The following ESR1 variants were observed in gnomAD, a reference collection of about 807,000 sequenced individuals.
The protein encoded by ESR1 is estrogen receptor 1, also known as estrogen receptor.
Under a neutral mutation model 52.7 loss-of-function variants are expected in ESR1, and 12 were observed. The ratio of observed to expected loss-of-function variants is 0.23; its 90% CI spans 0.15 to 0.37. The LOEUF (loss-of-function observed/expected upper bound fraction) is 0.37. Ranked by LOEUF, ESR1 falls within the 10% of genes least tolerant of loss-of-function variation. ESR1 has a pLI of 1.00. For synonymous variants in ESR1, 305 were observed against 316.8 expected (o/e 0.96, Z 0.39); for missense variants, 584 against 779.7 (o/e 0.75, Z 2.99).
At chr6:152,029,229 A>C (rs2044446608) in intron 5 of ESR1, among the ~76,000 whole-genome samples, 1 of 152,234 alleles carries the variant, frequency 6.6e-6, no homozygotes, top group African/African-American at 2.4e-5. Flanking sequence ...TAAAAATCAG[A>C]GCACCTCTCC....
At chr6:151,930,675 C>T (rs115016031) in intron 3 of ESR1, among the ~76,000 whole-genome samples, 240 of 152,268 alleles carry the variant, frequency 1.6e-3, no homozygotes, top group African/African-American at 5.4e-3. Flanking sequence ...ATATCACCTT[C>T]CTCTTGCTTG....
chr6:151,947,368 G>GA (rs1376497162), intron 4 of ESR1, among the ~76,000 whole-genome samples: 1 of 152,042 alleles, frequency 6.6e-6, no homozygotes. Context: ...AAGAAGAATA[G>GA]CAAAATTTCA....
At chr6:151,695,872 T>C (rs1779296852) in intron 1 of ESR1, among the ~76,000 whole-genome samples, 1 of 152,204 alleles carries the variant, frequency 6.6e-6, no homozygotes. Context: ...CTTAAAACTA[T>C]GTGACAAATA....
chr6:151,893,809 C>T (rs13203472), intron 3 of ESR1, among the ~76,000 whole-genome samples: 5,383 of 152,212 alleles, frequency 0.035, 129 homozygotes, highest in South Asian at 0.059. Flanking sequence ...ACATAGAAGT[C>T]TTTATCTGTC....
rs2051008854 is a variant in ESR1 at position 152,103,076 on chromosome 6, G to T, written c.*4110G>T. The T allele has an allele frequency of 4.5e-6, 1 of 222,516 alleles. No individual in the cohort carries two copies. The highest frequency in any genetic ancestry group is 5.8e-5 in the Admixed American group (1 of 17,382). 13.8% of individuals were successfully genotyped at this position (222,516 alleles called of 1,614,324 possible). On this transcript the variant is annotated 3_prime_UTR_variant, in exon 8 of 8. Coordinates refer to ENST00000206249, the MANE Select transcript of ESR1 (RefSeq NM_000125.4). Reference sequence around the variant, plus strand: ...TGGGAAAAGGCTCAAATGCCAAATTGTGTTTGATGGATTAATATGCCCTTT... The same window carrying T: ...TGGGAAAAGGCTCAAATGCCAAATTTTGTTTGATGGATTAATATGCCCTTT...
chr6:152,002,097 G>A (rs2041994939), intron 4 of ESR1, among the ~76,000 whole-genome samples: 1 of 151,852 alleles, frequency 6.6e-6, no homozygotes, highest in Non-Finnish European at 1.5e-5. Flanking sequence ...GGGAATATAA[G>A]CCTCTTGTTT....
chr6:151,755,314 A>G (rs965767419), intron 2 of ESR1, among the ~76,000 whole-genome samples: 2 of 151,908 alleles, frequency 1.3e-5, no homozygotes, highest in East Asian at 1.9e-4. Context: ...TCTTCTTACA[A>G]TGAGTCCTAT....
At chr6:151,958,947 G>A (rs950793094) in intron 4 of ESR1, among the ~76,000 whole-genome samples, 4 of 147,502 alleles carry the variant, frequency 2.7e-5, no homozygotes, top group African/African-American at 7.8e-5. Context: ...GAGTTCTACC[G>A]CTTCCATTGG....
chr6:151,676,322 C>T (rs1778250755), intron 1 of ESR1, among the ~76,000 whole-genome samples: 1 of 152,154 alleles, frequency 6.6e-6, no homozygotes, highest in Non-Finnish European at 1.5e-5. Context: ...AGCCATCTCT[C>T]TCTCCTGAGC....
At chr6:151,983,252 C>G (rs1018065888) in intron 4 of ESR1, among the ~76,000 whole-genome samples, 8 of 152,008 alleles carry the variant, frequency 5.3e-5, no homozygotes, top group African/African-American at 1.9e-4. Flanking sequence ...AAATTCACCA[C>G]GTAGAGAGGA....
intron 4 of ESR1, among the ~76,000 whole-genome samples, chr6:151,946,683 A>C (rs1449549007): frequency 6.6e-6 from 1 of 152,130 alleles, no homozygotes; most frequent in Admixed American, 6.6e-5. Context: ...ATAAAGGCAA[A>C]AATGAAATTA....
intron 1 of ESR1, among the ~76,000 whole-genome samples, chr6:151,817,143 G>T (rs191472186): frequency 1.3e-5 from 2 of 152,278 alleles, no homozygotes; most frequent in African/African-American, 2.4e-5. Flanking sequence ...TCTTTTTCAC[G>T]TTGGTTGGAA....
chr6:152,076,467 A>G (rs34322424), intron 6 of ESR1, among the ~76,000 whole-genome samples: 31,910 of 151,906 alleles, frequency 0.21, 4,689 homozygotes, highest in African/African-American at 0.4. Flanking sequence ...AAATTGGTAC[A>G]AGGAGTGGGG....
At chr6:151,907,862 A>G (rs1467606910) in intron 3 of ESR1, among the ~76,000 whole-genome samples, 1 of 152,204 alleles carries the variant, frequency 6.6e-6, no homozygotes, top group Non-Finnish European at 1.5e-5. Context: ...ATTACTCTGC[A>G]AGCATCACAA....
At chr6:151,675,834 G>A (rs1046474874) in intron 1 of ESR1, among the ~76,000 whole-genome samples, 2 of 152,190 alleles carry the variant, frequency 1.3e-5, no homozygotes, top group Non-Finnish European at 2.9e-5. Context: ...AATTGATGCC[G>A]GAAACTGGTG....
upstream of ESR1, among the ~76,000 whole-genome samples, chr6:151,687,236 G>A (rs1311536506): frequency 3.3e-5 from 5 of 152,178 alleles, no homozygotes; most frequent in African/African-American, 1.2e-4. Context: ...GCGTAGGGTG[G>A]GGAGGTTGTA....
At chr6:152,045,276 C>T (rs2046136238) in intron 5 of ESR1, among the ~76,000 whole-genome samples, 1 of 152,232 alleles carries the variant, frequency 6.6e-6, no homozygotes, top group South Asian at 2.1e-4. Context: ...GTCTTAGTCT[C>T]AGGACTGGCA....
chr6:152,034,017 C>G (rs908773746), intron 5 of ESR1, among the ~76,000 whole-genome samples: 3 of 152,096 alleles, frequency 2.0e-5, no homozygotes, highest in Non-Finnish European at 2.9e-5. Context: ...TGGAAACCAT[C>G]ATTGTGAGCG....
chr6:151,816,010 T>C (rs1446023894), intron 1 of ESR1, among the ~76,000 whole-genome samples: 1 of 152,132 alleles, frequency 6.6e-6, no homozygotes, highest in East Asian at 1.9e-4. Flanking sequence ...TAAGAGAAAA[T>C]ACGTGTTTGA....
Sources: gnomAD v4.1 joint callset for allele counts (sites outside exome capture counted in the v4.1 genomes callset) on GRCh38, gnomAD v4.1.1 for gene constraint, MANE v1.5 for transcripts, NCBI Gene and HGNC (gene_info 2026-07-23, HGNC 2026-07-21) for gene names.